Variants in TMEM87B observed in about 807,000 individuals in gnomAD.
TMEM87B encodes the protein transmembrane protein 87B.
TMEM87B carries 83 observed loss-of-function variants against 80.3 expected under a neutral mutation model. The observed-to-expected ratio is 1.03, with a 90% CI of 0.87 to 1.24. TMEM87B has a LOEUF of 1.24. TMEM87B is among the 50% of genes most tolerant of loss of function. The pLI, the probability that TMEM87B is intolerant of heterozygous loss-of-function variation, is 0.00. For synonymous variants in TMEM87B, 219 were observed against 230.5 expected (o/e 0.95, Z 0.45); for missense variants, 625 against 674.4 (o/e 0.93, Z 0.81).
intron 6 of TMEM87B, among the ~76,000 whole-genome samples, chr2:112,079,713 T>C (rs1014623024): frequency 2.6e-5 from 4 of 152,202 alleles, no homozygotes; most frequent in Admixed American, 2.0e-4. Flanking sequence ...GCTGTACTAA[T>C]TGACATTTTC....
At position 112,097,286 on chromosome 2, in the gene TMEM87B, C is replaced by A. The variant is rs772593501; in HGVS notation, c.1267C>A (p.Gln423Lys). ...TAAGACATTTAGAATTGCAAAATGCCAATCAGTAAGTATAACCTTCCTATT... is the reference window on the plus strand; with the variant it reads ...TAAGACATTTAGAATTGCAAAATGCAAATCAGTAAGTATAACCTTCCTATT... The part of the protein sequence containing the change: ...TTKTFRIAKC[Q>K]SDWMERWVDD... The change falls in exon 13 of 19, where the codon CAA becomes AAA. Residue 423 changes from glutamine to lysine, a missense_variant. Gln to Lys is a moderately conservative substitution (Grantham distance 53). Transcript: ENST00000283206. 1 of 1,603,426 alleles carries A rather than the reference C, an allele frequency of 6.2e-7. No individual in the cohort carries two copies. Among genetic ancestry groups the A allele is most frequent in the Non-Finnish European group, 8.5e-7 (1 of 1,176,644 alleles).
In TMEM87B at chr2:112,112,907, C is replaced by T; in HGVS notation, c.1586C>T (p.Pro529Leu). ...IPSSFTDVAL[P>L]VLVDSDEEIM... ...TTTCCCTTTTATTTCAGAGCTCTTCCAGTGTTAGTGGATTCAGATGAGGTA... is the reference window on the plus strand; with the variant it reads ...TTTCCCTTTTATTTCAGAGCTCTTCTAGTGTTAGTGGATTCAGATGAGGTA... Residue 529 changes from proline to leucine, a missense_variant, in exon 18 of 19, where the codon CCA (proline) becomes CTA (leucine). Pro to Leu is a moderately conservative substitution (Grantham distance 98). Coordinates refer to ENST00000283206, the MANE Select transcript of TMEM87B (RefSeq NM_032824.3). 1 of 1,612,802 alleles carries T rather than the reference C, an allele frequency of 6.2e-7. No individual in the cohort carries two copies. Among genetic ancestry groups the T allele is most frequent in the Non-Finnish European group, 8.5e-7 (1 of 1,179,280 alleles).
chr2:112,069,667 C>G (rs1365037650), intron 4 of TMEM87B, among the ~76,000 whole-genome samples: 3 of 152,254 alleles, frequency 2.0e-5, no homozygotes, highest in African/African-American at 7.2e-5. Flanking sequence ...ATTTATATCC[C>G]TTTGGGTATA....
Position 112,055,766 on chromosome 2 carries a change from G to A in TMEM87B, c.165+10G>A. 1.4e-6 allele frequency: 2 copies of A among 1,470,998 alleles called. No homozygotes were observed. The highest frequency in any genetic ancestry group is 1.8e-6 in the Non-Finnish European group (2 of 1,113,182). 91.1% of individuals were successfully genotyped at this position (1,470,998 alleles called of 1,614,324 possible). A position where few individuals can be genotyped will look rare whatever the true frequency, so the allele number is the denominator to read the frequency against. Reference sequence around the variant, plus strand: ...AGAGACAGTCAACGACGTAAGTGGAGTGTCGGGACCCAGGCGTGGCACGTC... The same window carrying A: ...AGAGACAGTCAACGACGTAAGTGGAATGTCGGGACCCAGGCGTGGCACGTC... On this transcript the variant is annotated intron_variant, in intron 1 of 18. Transcript: ENST00000283206.
chr2:112,064,130 C>T, intron 2 of TMEM87B, 32 bp from the exon 3 acceptor site: 1 of 1,570,712 alleles, frequency 6.4e-7, no homozygotes, highest in Non-Finnish European at 8.7e-7. Context: ...ATGTATTATT[C>T]ATGTAAAACA....
chr2:112,068,081 G>A (rs1678492400), intron 4 of TMEM87B, among the ~76,000 whole-genome samples: 1 of 152,108 alleles, frequency 6.6e-6, no homozygotes, highest in Non-Finnish European at 1.5e-5. Flanking sequence ...GGGTGTGGTG[G>A]TACGCACCTG....
intron 4 of TMEM87B, among the ~76,000 whole-genome samples, chr2:112,071,128 A>T (rs966067187): frequency 6.6e-6 from 1 of 151,846 alleles, no homozygotes; most frequent in Non-Finnish European, 1.5e-5. Flanking sequence ...CCGGCTGAGC[A>T]TGGAACATCT....
chr2:112,070,183 C>A (rs906577436), intron 4 of TMEM87B, among the ~76,000 whole-genome samples: 2 of 152,026 alleles, frequency 1.3e-5, no homozygotes, highest in Non-Finnish European at 2.9e-5. Context: ...TTAATTAGAT[C>A]CTATTTGTCA....
chr2:112,077,363 C>T (rs1477943599), intron 6 of TMEM87B, 81 bp downstream of exon 6: 1 of 639,252 alleles, frequency 1.6e-6, no homozygotes, highest in Non-Finnish European at 2.6e-6. Flanking sequence ...TCAACATTCT[C>T]TGTTTCAAAT....
chr2:112,069,198 C>CAA (rs1280554360), intron 4 of TMEM87B, among the ~76,000 whole-genome samples: 16,909 of 60,390 alleles, frequency 0.28, 2,325 homozygotes, highest in African/African-American at 0.41. Context: ...GACTCCGTCT[C>CAA]AAAAAAAAAA....
At chr2:112,076,334 T>C (rs1382350407) in intron 5 of TMEM87B, among the ~76,000 whole-genome samples, 1 of 152,140 alleles carries the variant, frequency 6.6e-6, no homozygotes, top group Non-Finnish European at 1.5e-5. Context: ...GAGAAGAGTA[T>C]TGTTAGAAAA....
At chr2:112,063,535 CT>C (rs1558828250) in intron 2 of TMEM87B, among the ~76,000 whole-genome samples, 1 of 152,188 alleles carries the variant, frequency 6.6e-6, no homozygotes, top group Non-Finnish European at 1.5e-5. Flanking sequence ...TCATGCTGTG[CT>C]TTCACTCACC....
chr2:112,078,668 C>G (rs1678894330), intron 6 of TMEM87B, among the ~76,000 whole-genome samples: 1 of 152,222 alleles, frequency 6.6e-6, no homozygotes, highest in African/African-American at 2.4e-5. Flanking sequence ...TCCCCTGACA[C>G]CAGCGGGCAG....
intron 3 of TMEM87B, 137 bp from the exon 4 acceptor site, chr2:112,066,799 G>T: frequency 1.3e-6 from 1 of 753,900 alleles, no homozygotes; most frequent in Non-Finnish European, 2.0e-6. Context: ...TTTTTATTTG[G>T]TATTTTATTC....
At chr2:112,090,456 G>A (rs1679267278) in intron 10 of TMEM87B, among the ~76,000 whole-genome samples, 1 of 152,048 alleles carries the variant, frequency 6.6e-6, no homozygotes, top group African/African-American at 2.4e-5. Context: ...TGTTGCCTAG[G>A]CTGGGGTGCA....
chr2:112,091,709 C>G lies in TMEM87B; in HGVS notation c.1033-3C>G. The G allele has an allele frequency of 6.2e-7, 1 of 1,607,140 alleles. No homozygotes were observed. The highest frequency in any genetic ancestry group is 8.5e-7 in the Non-Finnish European group (1 of 1,175,770). On this transcript the variant is annotated splice_polypyrimidine_tract_variant and splice_region_variant and intron_variant, in intron 10 of 18. Transcript: ENST00000283206. ...GGTTTCTTCCCTTATTTTTATCTTT[C>G]AGGGTTCTAACCATTTAGCTGTTGT...
chr2:112,055,701 C>A lies in TMEM87B; in HGVS notation c.110C>A (p.Pro37Gln). Residue 37 changes from proline to glutamine, a missense_variant, in exon 1 of 19, where the codon CCG (proline) becomes CAG (glutamine). By Grantham distance (76) the Pro-to-Gln change is moderately conservative. Coordinates refer to ENST00000283206, the MANE Select transcript of TMEM87B (RefSeq NM_032824.3). ...RVALCLLCWTPAAVRAVPELG... is the reference protein window; with the variant it reads ...RVALCLLCWTQAAVRAVPELG... ...GCCCTCTGCCTCCTGTGCTGGACCC[C>A]GGCGGCTGTGCGCGCGGTCCCTGAG... The A allele has an allele frequency of 6.5e-7, 1 of 1,549,826 alleles. No homozygotes were observed. The highest frequency in any genetic ancestry group is 8.7e-7 in the Non-Finnish European group (1 of 1,155,040).
chr2:112,056,584 G>A (rs903087291), intron 1 of TMEM87B, among the ~76,000 whole-genome samples: 11 of 152,194 alleles, frequency 7.2e-5, no homozygotes, highest in Non-Finnish European at 1.3e-4. Context: ...GGGGTCAGAT[G>A]ACTCATCCAG....
chr2:112,090,168 G>A (rs1405244623), intron 10 of TMEM87B, among the ~76,000 whole-genome samples: 4 of 152,136 alleles, frequency 2.6e-5, no homozygotes, highest in African/African-American at 9.7e-5. Flanking sequence ...GACTCTTGGG[G>A]ACTAGCTATT....
Sources: allele counts gnomAD v4.1 joint callset (sites outside exome capture counted in the v4.1 genomes callset), GRCh38; gene constraint gnomAD v4.1.1; transcripts MANE v1.5; gene names NCBI Gene and HGNC (gene_info 2026-07-23, HGNC 2026-07-21).